The following MAST2 variants were observed in gnomAD, a reference collection of about 807,000 sequenced individuals.
The protein encoded by MAST2 is microtubule-associated serine/threonine-protein kinase 2.
A neutral mutation model predicts 147.4 loss-of-function variants in MAST2; 70 were observed. The observed-to-expected ratio is 0.47, with a 90% CI of 0.39 to 0.58. The LOEUF is 0.58. Ranked by LOEUF, MAST2 falls within the 20% of genes least tolerant of loss-of-function variation. MAST2 has a pLI of 0.00. For missense variants in MAST2, 2,080 were observed against 2,302.3 expected, an observed-to-expected ratio of 0.90 and a Z score of 1.98; for synonymous variants, 869 against 896.8, an observed-to-expected ratio of 0.97 and a Z score of 0.55.
At chr1:45,852,895 A>G (rs1041803502) in intron 3 of MAST2, among the ~76,000 whole-genome samples, 1 of 152,030 alleles carries the variant, frequency 6.6e-6, no homozygotes, top group Non-Finnish European at 1.5e-5. Context: ...ACCACTGGCA[A>G]TGGATTTTTT....
At chr1:45,924,859 A>G (rs1039073980) in intron 4 of MAST2, among the ~76,000 whole-genome samples, 1 of 152,198 alleles carries the variant, frequency 6.6e-6, no homozygotes, top group Admixed American at 6.5e-5. Context: ...AGGGAAGGCC[A>G]TGCAAAGACA....
At position 46,032,296 on chromosome 1, in the gene MAST2, G is replaced by C. The variant is rs749262556; in HGVS notation, c.3306G>C (p.Arg1102Ser). Residue 1102 changes from arginine to serine, a missense_variant, in exon 25 of 29, where the codon AGG becomes AGC. Coordinates refer to ENST00000361297, the MANE Select transcript of MAST2 (RefSeq NM_015112.3). Reference sequence around the variant, plus strand: ...TCTTGCCAGCCCTTGGCAGCATGAGGCCTCCCATCATCATCCACCGAGCTG... The same window carrying C: ...TCTTGCCAGCCCTTGGCAGCATGAGCCCTCCCATCATCATCCACCGAGCTG... ...RDFLPALGSM[R>S]PPIIIHRAGK... is the part of the protein sequence containing the mutation. 1.9e-6 allele frequency: 3 copies of C among 1,614,098 alleles called. No homozygotes were observed. Among genetic ancestry groups the C allele is most frequent in the Non-Finnish European group, 2.5e-6 (3 of 1,180,046 alleles).
In MAST2 at chr1:46,035,141, C is replaced by T. The variant is rs763698252; in HGVS notation, c.4472C>T (p.Ser1491Leu). ...CAGGACCGAGCCGAACGACGGGAGT[C>T]GCTGCAGAAGCAAGAAGCCATTCGT... ...LRQDRAERRE[S>L]LQKQEAIREV... The change falls in exon 29 of 29, where the codon TCG becomes TTG. Residue 1491 changes from serine to leucine, a missense_variant. This residue lies in a region of MAST2 where 1,278 missense variants were observed against 1,304.2 expected (regional missense o/e 0.98). Coordinates refer to ENST00000361297, the MANE Select transcript of MAST2 (RefSeq NM_015112.3). This position sits in a 1 kb window ranked among gnomAD's most constrained non-coding sequence, Gnocchi z 5.5. 5.0e-6 allele frequency: 8 copies of T among 1,613,604 alleles called. No individual in the cohort carries two copies. The highest frequency in any genetic ancestry group is 1.7e-5 in the Admixed American group (1 of 60,002).
rs1157705891 is a variant in MAST2, at chr1:46,034,206, A to G, written c.3808A>G (p.Ser1270Gly). 4 of 1,613,986 alleles carry G rather than the reference A, an allele frequency of 2.5e-6. No homozygotes were observed. The highest frequency in any genetic ancestry group is 3.4e-6 in the Non-Finnish European group (4 of 1,180,000). Residue 1270 changes from serine (S) to glycine (G), a missense_variant, in exon 28 of 29, where the codon AGC (serine) becomes GGC (glycine). By Grantham distance (56) the Ser-to-Gly change is moderately conservative (BLOSUM62 0). Around this residue, in one of 4 missense-constraint regions of MAST2, gnomAD observed 1,278 missense variants for 1,304.2 expected, o/e 0.98. Transcript: ENST00000361297. ...GCCAGGCTCTCCCACACACAGCCAC[A>G]GCCTTTCCCCCCGATCTCCCACTCA... ...SGPGSPTHSH[S>G]LSPRSPTQGY...
At chr1:45,835,335 T>A (rs894574675) in intron 3 of MAST2, among the ~76,000 whole-genome samples, 1 of 152,094 alleles carries the variant, frequency 6.6e-6, no homozygotes, top group Non-Finnish European at 1.5e-5. Flanking sequence ...AGAGCCATGA[T>A]CAAGGAGTGA....
In MAST2 at chr1:45,828,403, G is replaced by A. The variant is rs77487892; in HGVS notation, c.326-1036G>A. 7.3e-3 allele frequency among the ~76,000 whole-genome samples: 1,109 copies of A among 152,296 alleles called. 15 individuals are homozygous for A. The highest frequency in any genetic ancestry group is 0.025 in the African/African-American group (1,059 of 41,556). On this transcript the variant is annotated intron_variant, in intron 2 of 28. Transcript: ENST00000361297. The stretch of plus-strand genomic sequence containing the variant: ...ATATTGAAGTTGAGTGAGTGAATAA[G>A]TGTGGAAAAGAGTCGAAGGAGATGA...
At chr1:45,958,775 T>C (rs1257661327) in intron 4 of MAST2, among the ~76,000 whole-genome samples, 1 of 152,190 alleles carries the variant, frequency 6.6e-6, no homozygotes, top group Non-Finnish European at 1.5e-5. Context: ...TAAATTGATA[T>C]AGACTTTTCA....
chr1:46,023,202 C>T lies in MAST2; in HGVS notation c.1486-31C>T. On this transcript the variant is annotated intron_variant, in intron 13 of 28. Transcript: ENST00000361297. The surrounding 1 kb of genome is among the most constrained non-coding windows in gnomAD (Gnocchi z 4.9). ...AAGGATATGGGCTCTGAGAAGCATGCCTGTCTCCTGCCTTTTCCCTTGTCT... is the reference window on the plus strand; with the variant it reads ...AAGGATATGGGCTCTGAGAAGCATGTCTGTCTCCTGCCTTTTCCCTTGTCT... 1 of 1,585,732 alleles carries T rather than the reference C, an allele frequency of 6.3e-7. No individual in the cohort carries two copies. The highest frequency in any genetic ancestry group is 1.1e-5 in the South Asian group (1 of 90,534).
intron 4 of MAST2, among the ~76,000 whole-genome samples, chr1:45,937,751 C>CAAAAAAAAAAAAAAAAAAAA (rs34830747): frequency 4.1e-5 from 3 of 73,222 alleles, no homozygotes; most frequent in African/African-American, 1.6e-4. Context: ...AACTCCATCT[C>CAAAAAAAAAAAAAAAAAAAA]AAAAAAAAAA....
chr1:45,826,348 G>T (rs1644791713), intron 2 of MAST2, among the ~76,000 whole-genome samples: 1 of 152,004 alleles, frequency 6.6e-6, no homozygotes, highest in South Asian at 2.1e-4. Context: ...AGTTTGCAGG[G>T]CAGATGATAC....
intron 16 of MAST2, among the ~76,000 whole-genome samples, chr1:46,026,750 C>G (rs1394795306): frequency 6.6e-6 from 1 of 152,076 alleles, no homozygotes; most frequent in Non-Finnish European, 1.5e-5. Flanking sequence ...GGGATGTGTT[C>G]CAGATTTCCA....
intron 4 of MAST2, among the ~76,000 whole-genome samples, chr1:45,891,048 G>T (rs879265240): frequency 6.6e-5 from 10 of 152,234 alleles, no homozygotes; most frequent in South Asian, 2.1e-4. Flanking sequence ...GTTCAAAGAA[G>T]TAAAAGAACC....
chr1:45,856,698 C>G (rs1410033860), intron 3 of MAST2, among the ~76,000 whole-genome samples: 1 of 151,576 alleles, frequency 6.6e-6, no homozygotes, highest in African/African-American at 2.4e-5. Flanking sequence ...AATAAATGAG[C>G]AATTATACCG....
At chr1:45,975,953 GT>G (rs971776451) in intron 5 of MAST2, among the ~76,000 whole-genome samples, 1 of 123,800 alleles carries the variant, frequency 8.1e-6, no homozygotes, top group Non-Finnish European at 1.8e-5. Context: ...GCCAAAGGTG[GT>G]TTTTTAATCT....
At chr1:46,006,120 A>G in intron 7 of MAST2, 121 bp from the exon 8 acceptor site, 2 of 945,202 alleles carry the variant, frequency 2.1e-6, no homozygotes, top group South Asian at 3.7e-5. Flanking sequence ...AGTAGGGGAA[A>G]GAAGACCTGC....
chr1:46,018,337 C>T (rs957211181), intron 10 of MAST2, among the ~76,000 whole-genome samples: 3 of 152,230 alleles, frequency 2.0e-5, no homozygotes, highest in Admixed American at 2.0e-4. Flanking sequence ...TCCTGAGCTT[C>T]AGATCAGTGC....
chr1:45,847,048 A>G (rs1645460871), intron 3 of MAST2: 1 of 398,650 alleles, frequency 2.5e-6, no homozygotes, highest in Non-Finnish European at 5.1e-6. Context: ...TTTAGTTCCA[A>G]TTCCACTAAA....
At chr1:45,932,626 TCGCACCA>T (rs1453515222) in intron 4 of MAST2, among the ~76,000 whole-genome samples, 1 of 152,090 alleles carries the variant, frequency 6.6e-6, no homozygotes, top group Non-Finnish European at 1.5e-5. Context: ...TGAGCCAAGA[TCGCACCA>T]CTGCACTCTG....
chr1:45,964,130 G>A (rs1185643740), intron 5 of MAST2, among the ~76,000 whole-genome samples: 1 of 152,196 alleles, frequency 6.6e-6, no homozygotes, highest in Non-Finnish European at 1.5e-5. Flanking sequence ...GTATTTTATT[G>A]AGGATTTTTG....
Sources: gnomAD v4.1 joint callset for allele counts (sites outside exome capture counted in the v4.1 genomes callset) on GRCh38, gnomAD v4.1.1 for gene constraint, gnomAD v4.1.1 regional missense constraint, Gnocchi (gnomAD v3.1) non-coding constraint, MANE v1.5 for transcripts, NCBI Gene and HGNC (gene_info 2026-07-23, HGNC 2026-07-21) for gene names.